The following BMPR1B variants were observed in gnomAD, a reference collection of about 807,000 sequenced individuals.
BMPR1B encodes bone morphogenetic protein receptor type 1B.
A neutral mutation model predicts 59.1 loss-of-function variants in BMPR1B; 12 were observed. That is an observed-to-expected ratio of 0.20 (90% CI 0.13 to 0.33). The LOEUF (loss-of-function observed/expected upper bound fraction) is 0.33, where lower values mean the gene tolerates loss of function less well. Among genes scored for constraint, BMPR1B ranks in the 10% least tolerant of loss-of-function variants. BMPR1B has a pLI of 1.00. For synonymous variants in BMPR1B, 237 were observed against 207.3 expected (o/e 1.14, Z -1.23); for missense variants, 550 against 610.9 (o/e 0.90, Z 1.05).
chr4:95,104,428 C>A lies in BMPR1B; in HGVS notation c.4C>A (p.Leu2Ile). 6.2e-7 allele frequency: 1 copy of A among 1,613,184 alleles called. No homozygotes were observed. Among genetic ancestry groups the A allele is most frequent in the South Asian group, 1.1e-5 (1 of 91,060 alleles). MLLRSAGKLNVG... is the reference protein window; with the variant it reads MILRSAGKLNVG... ...TTCAGCAAACTTCCTTGATAACATG[C>A]TTTTGCGAAGTGCAGGAAAATTAAA... Residue 2 changes from leucine to isoleucine, a missense_variant, in exon 4 of 13, where the codon CTT (leucine) becomes ATT (isoleucine). Leu to Ile is a conservative substitution (Grantham distance 5). Transcript: ENST00000515059.
At chr4:94,924,596 C>A (rs2149028048) in intron 2 of BMPR1B, among the ~76,000 whole-genome samples, 1 of 152,252 alleles carries the variant, frequency 6.6e-6, no homozygotes, top group East Asian at 1.9e-4. Context: ...CTCCAACATT[C>A]ATTTGCCACT....
chr4:95,081,351 T>A (rs1007299707), intron 3 of BMPR1B, among the ~76,000 whole-genome samples: 4 of 152,174 alleles, frequency 2.6e-5, no homozygotes, highest in African/African-American at 9.7e-5. Context: ...CTAGAAAGAA[T>A]GACTGACAGA....
chr4:95,137,423 G>T lies in BMPR1B; in HGVS notation c.1076+5911G>T, dbSNP rs1200259954. Among the ~76,000 whole-genome samples, 9 of 152,134 alleles carry T rather than the reference G, an allele frequency of 5.9e-5. No homozygotes were observed. The East Asian group carries it at 1.4e-3, about 23-fold the overall frequency. On this transcript the variant is annotated intron_variant, in intron 10 of 12. Coordinates refer to ENST00000515059, the MANE Select transcript of BMPR1B (RefSeq NM_001203.3). ...GGAGAGTTCTGTAGATGTCTATTAG[G>T]TCTGCTTGGTGCAGAGCTGAGTTCA...
intron 2 of BMPR1B, among the ~76,000 whole-genome samples, chr4:94,944,943 A>G (rs958536782): frequency 5.8e-4 from 88 of 152,304 alleles, no homozygotes; most frequent in African/African-American, 2.0e-3. Flanking sequence ...TGAGCTTTAC[A>G]TTATAAACCA....
At chr4:95,032,479 A>G (rs893905650) in intron 3 of BMPR1B, among the ~76,000 whole-genome samples, 10 of 152,176 alleles carry the variant, frequency 6.6e-5, no homozygotes, top group African/African-American at 2.2e-4. Flanking sequence ...AAGGGACACA[A>G]ACATTCAGTC....
At chr4:95,113,069 TAA>T (rs1175524911) in intron 4 of BMPR1B, among the ~76,000 whole-genome samples, 3 of 152,096 alleles carry the variant, frequency 2.0e-5, no homozygotes, top group Non-Finnish European at 4.4e-5. Context: ...AGGAAAAGAA[TAA>T]AAAAGTCACA....
chr4:95,024,520 C>T (rs1335635624), intron 3 of BMPR1B, among the ~76,000 whole-genome samples: 1 of 152,106 alleles, frequency 6.6e-6, no homozygotes, highest in Non-Finnish European at 1.5e-5. Flanking sequence ...AGTTACCTGA[C>T]AAGGGCTTAT....
chr4:94,792,950 G>A (rs1013888688), intron 1 of BMPR1B, among the ~76,000 whole-genome samples: 2 of 151,928 alleles, frequency 1.3e-5, no homozygotes, highest in Non-Finnish European at 2.9e-5. Context: ...TAGATAGTCA[G>A]AAAAGAGGAA....
chr4:94,776,308 A>G (rs941928767), intron 1 of BMPR1B, among the ~76,000 whole-genome samples: 7 of 152,204 alleles, frequency 4.6e-5, no homozygotes, highest in African/African-American at 1.7e-4. Context: ...AAAGAACAGT[A>G]AAACAAGACT....
At chr4:95,137,215 G>A (rs896798091) in intron 10 of BMPR1B, among the ~76,000 whole-genome samples, 5 of 152,140 alleles carry the variant, frequency 3.3e-5, no homozygotes, top group African/African-American at 7.2e-5. Context: ...GTAGTTGAGC[G>A]GTTTTGAGTA....
At chr4:95,090,284 T>C (rs1441174583) in intron 3 of BMPR1B, among the ~76,000 whole-genome samples, 1 of 151,804 alleles carries the variant, frequency 6.6e-6, no homozygotes, top group Non-Finnish European at 1.5e-5. Flanking sequence ...TATATTTAAA[T>C]TATAGTTACA....
At chr4:94,809,400 T>C (rs775345455) in intron 1 of BMPR1B, among the ~76,000 whole-genome samples, 22 of 152,202 alleles carry the variant, frequency 1.4e-4, no homozygotes, top group South Asian at 2.1e-4. Context: ...CACAATAAGA[T>C]GAACACAAGG....
At chr4:95,087,753 G>T in intron 3 of BMPR1B, among the ~76,000 whole-genome samples, 1 of 152,022 alleles carries the variant, frequency 6.6e-6, no homozygotes, top group Admixed American at 6.5e-5. Context: ...ATAAATAAAA[G>T]AAAGAAAAGA....
chr4:94,867,160 T>G (rs865813382), intron 1 of BMPR1B, among the ~76,000 whole-genome samples: 3 of 152,214 alleles, frequency 2.0e-5, no homozygotes, highest in African/African-American at 7.2e-5. Flanking sequence ...AAGAAACCAC[T>G]GTCTCTCATT....
chr4:95,036,972 G>A (rs535827615), intron 3 of BMPR1B, among the ~76,000 whole-genome samples: 14 of 152,164 alleles, frequency 9.2e-5, no homozygotes, highest in African/African-American at 2.9e-4. Flanking sequence ...GTTGCCTTTC[G>A]AAAATCAATG....
At chr4:95,130,785 C>T (rs1733292209) in intron 9 of BMPR1B, among the ~76,000 whole-genome samples, 1 of 124,042 alleles carries the variant, frequency 8.1e-6, no homozygotes, top group African/African-American at 3.2e-5. Context: ...GGCTGGAGTG[C>T]AATGGTGTGA....
At chr4:94,948,690 A>C (rs1427670928) in intron 2 of BMPR1B, among the ~76,000 whole-genome samples, 1 of 152,208 alleles carries the variant, frequency 6.6e-6, no homozygotes, top group East Asian at 1.9e-4. Flanking sequence ...GTTTGGGCTG[A>C]AATTCCCTCA....
chr4:95,099,852 TTA>T (rs1197539981), intron 3 of BMPR1B, among the ~76,000 whole-genome samples: 1 of 152,208 alleles, frequency 6.6e-6, no homozygotes, highest in Non-Finnish European at 1.5e-5. Context: ...GAGGATTTAG[TTA>T]TTTTTTCTCA....
chr4:95,012,326 G>A (rs190301286), intron 3 of BMPR1B, among the ~76,000 whole-genome samples: 12 of 152,192 alleles, frequency 7.9e-5, no homozygotes, highest in South Asian at 4.1e-4. Flanking sequence ...GACAATTAAG[G>A]AACTGAGGGA....
Sources: gnomAD v4.1 joint callset for allele counts (sites outside exome capture counted in the v4.1 genomes callset) on GRCh38, gnomAD v4.1.1 for gene constraint, MANE v1.5 for transcripts, NCBI Gene and HGNC (gene_info 2026-07-23, HGNC 2026-07-21) for gene names.